Variants in PRKN observed in about 807,000 individuals in gnomAD.
PRKN encodes the protein parkin RBR E3 ubiquitin protein ligase, also known as E3 ubiquitin-protein ligase parkin.
In PRKN, 56 loss-of-function variants were observed where a neutral mutation model predicts 59.5. The observed-to-expected ratio is 0.94, with a 90% CI of 0.76 to 1.18. The LOEUF is 1.18. PRKN is among the 50% of genes most tolerant of loss of function. The pLI is 0.00. For synonymous variants in PRKN, 250 were observed against 222.1 expected, an observed-to-expected ratio of 1.13 and a Z score of -1.12; for missense variants, 657 against 596.4, an observed-to-expected ratio of 1.10 and a Z score of -1.06.
Position 161,484,202 on chromosome 6 carries a change from A to T in PRKN, c.1083+64652T>A, listed in dbSNP as rs182730193. Among the ~76,000 whole-genome samples the T allele has an allele frequency of 1.3e-3, 205 of 152,224 alleles. No individual in the cohort carries two copies. Among genetic ancestry groups the T allele is most frequent in the African/African-American group, 4.0e-3 (167 of 41,538 alleles). On this transcript the variant is annotated intron_variant, in intron 9 of 11. Coordinates refer to ENST00000366898, the MANE Select transcript of PRKN (RefSeq NM_004562.3). This position sits in a 1 kb window ranked among gnomAD's most constrained non-coding sequence, Gnocchi z 4.9. ...AAATGAAAAGTTGAAGAAAATTTTA[A>T]AAAAAGACCCTGCCTGGCAGGGTTT...
chr6:162,647,155 G>T (rs1315888054), intron 1 of PRKN, among the ~76,000 whole-genome samples: 3 of 151,842 alleles, frequency 2.0e-5, no homozygotes, highest in Admixed American at 2.0e-4. Context: ...CTCTCTTCTA[G>T]AGAGAAAGAA....
rs763624085 is a variant in PRKN, at chr6:161,561,283, A to G, written c.933+8072T>C. Among the ~76,000 whole-genome samples, 5 of 152,214 alleles carry G rather than the reference A, an allele frequency of 3.3e-5. No individual in the cohort carries two copies. The highest frequency in any genetic ancestry group is 5.9e-5 in the Non-Finnish European group (4 of 68,042). On this transcript the variant is annotated intron_variant, in intron 8 of 11. Coordinates refer to ENST00000366898, the MANE Select transcript of PRKN (RefSeq NM_004562.3). The surrounding 1 kb of genome is among the most constrained non-coding windows in gnomAD (Gnocchi z 5.0). ...AGGATAACAGTGAAGTAGTTATAGA[A>G]GAAAATGAATTTATTACTTTTATCT...
chr6:162,613,844 T>C (rs981674380), intron 1 of PRKN, among the ~76,000 whole-genome samples: 2 of 151,342 alleles, frequency 1.3e-5, no homozygotes, highest in African/African-American at 2.4e-5. Flanking sequence ...ATATAACTAA[T>C]ACAGTCATTA....
At chr6:161,904,514 A>C (rs902436437) in intron 6 of PRKN, among the ~76,000 whole-genome samples, 18 of 152,040 alleles carry the variant, frequency 1.2e-4, no homozygotes, top group Non-Finnish European at 1.3e-4. Context: ...ACGGGGTTTC[A>C]CTGTGTCAGC....
At chr6:162,726,112 AAAGTT>A (rs1365901938) in intron 1 of PRKN, among the ~76,000 whole-genome samples, 1 of 152,228 alleles carries the variant, frequency 6.6e-6, no homozygotes, top group Non-Finnish European at 1.5e-5. Context: ...TCATCCTAAT[AAAGTT>A]ATTTATATAA....
chr6:161,814,993 T>C (rs1791713341), intron 6 of PRKN, among the ~76,000 whole-genome samples: 1 of 152,210 alleles, frequency 6.6e-6, no homozygotes, highest in South Asian at 2.1e-4. Flanking sequence ...GTTTCTTCTC[T>C]GAATTTATGG....
chr6:161,669,626 T>C (rs1325053115), intron 7 of PRKN, among the ~76,000 whole-genome samples: 1 of 152,238 alleles, frequency 6.6e-6, no homozygotes, highest in Non-Finnish European at 1.5e-5. Context: ...CAGGTTCATT[T>C]ACGTCTCTTT....
chr6:161,694,909 C>A (rs1485214791), intron 7 of PRKN, among the ~76,000 whole-genome samples: 1 of 152,132 alleles, frequency 6.6e-6, no homozygotes, highest in Non-Finnish European at 1.5e-5. Context: ...ACACTCACTG[C>A]GGGATCAGAA....
chr6:162,157,927 T>C (rs1782585513), intron 4 of PRKN, among the ~76,000 whole-genome samples: 1 of 152,096 alleles, frequency 6.6e-6, no homozygotes, highest in South Asian at 2.1e-4. Context: ...TCTCAACATT[T>C]TGTTGCAACT....
At chr6:161,860,124 A>G (rs1257347072) in intron 6 of PRKN, among the ~76,000 whole-genome samples, 4 of 152,206 alleles carry the variant, frequency 2.6e-5, no homozygotes, top group African/African-American at 9.7e-5. Context: ...ATATTTTATC[A>G]TTAAGAAAAT....
At chr6:162,559,001 A>G (rs894174940) in intron 1 of PRKN, among the ~76,000 whole-genome samples, 27 of 152,228 alleles carry the variant, frequency 1.8e-4, no homozygotes, top group African/African-American at 6.0e-4. Flanking sequence ...AATACAAAAA[A>G]TTAGCTGGGC....
At chr6:162,445,111 C>T (rs1024763890) in intron 1 of PRKN, among the ~76,000 whole-genome samples, 14 of 152,092 alleles carry the variant, frequency 9.2e-5, no homozygotes, top group East Asian at 1.9e-4. Flanking sequence ...TGACCCACCT[C>T]ATCATAATTA....
intron 2 of PRKN, among the ~76,000 whole-genome samples, chr6:162,297,343 T>C (rs1324727095): frequency 2.6e-5 from 4 of 152,106 alleles, no homozygotes; most frequent in Non-Finnish European, 5.9e-5. Flanking sequence ...GTAATATTGA[T>C]ATATCAAAGT....
intron 6 of PRKN, among the ~76,000 whole-genome samples, chr6:161,918,635 A>T (rs947275134): frequency 6.6e-6 from 1 of 152,208 alleles, no homozygotes; most frequent in Non-Finnish European, 1.5e-5. Flanking sequence ...CAAAATGCTT[A>T]ACGAACTCAG....
chr6:161,910,225 A>C (rs945220995), intron 6 of PRKN, among the ~76,000 whole-genome samples: 2 of 152,132 alleles, frequency 1.3e-5, no homozygotes, highest in African/African-American at 4.8e-5. Context: ...TGCCGTGAAC[A>C]TTGTTGGAAT....
chr6:161,659,979 T>C (rs985572395), intron 7 of PRKN, among the ~76,000 whole-genome samples: 6 of 152,132 alleles, frequency 3.9e-5, no homozygotes, highest in Non-Finnish European at 8.8e-5. Flanking sequence ...TAACTCTTCT[T>C]AGAGTTGCTG....
At chr6:162,151,838 C>G (rs1345696881) in intron 4 of PRKN, among the ~76,000 whole-genome samples, 6 of 152,032 alleles carry the variant, frequency 3.9e-5, no homozygotes, top group African/African-American at 1.4e-4. Flanking sequence ...GAAATCTTTT[C>G]TATAAGGTGA....
chr6:162,059,589 T>C (rs1778010224), intron 4 of PRKN, among the ~76,000 whole-genome samples: 1 of 152,168 alleles, frequency 6.6e-6, no homozygotes, highest in Admixed American at 6.6e-5. Flanking sequence ...ACTGCAAAAA[T>C]GCATGGCAGT....
chr6:162,323,310 A>AC (rs1301885759), intron 2 of PRKN, among the ~76,000 whole-genome samples: 2 of 151,770 alleles, frequency 1.3e-5, no homozygotes, highest in African/African-American at 4.8e-5. Context: ...TTATAGAAAA[A>AC]AACATAAGAG....
Sources: gnomAD v4.1 joint callset for allele counts (sites outside exome capture counted in the v4.1 genomes callset) on GRCh38, gnomAD v4.1.1 for gene constraint, Gnocchi (gnomAD v3.1) non-coding constraint, MANE v1.5 for transcripts, NCBI Gene and HGNC (gene_info 2026-07-23, HGNC 2026-07-21) for gene names.